The following CNIH4 variants were observed in gnomAD, a reference collection of about 807,000 sequenced individuals.
The protein encoded by CNIH4 is protein cornichon homolog 4.
In CNIH4, 9 loss-of-function variants were observed where a neutral mutation model predicts 21.5. The observed-to-expected ratio is 0.42, with a 90% confidence interval of 0.25 to 0.73. The LOEUF (loss-of-function observed/expected upper bound fraction) is 0.73. CNIH4 is among the 30% of genes least tolerant of loss of function. The probability of loss-of-function intolerance (pLI) is 0.27; values close to 1 mark genes in which losing one functional copy is unlikely to be tolerated. For missense variants in CNIH4, 159 were observed against 170.0 expected (o/e 0.94, Z 0.36); for synonymous variants, 67 against 59.1 (o/e 1.13, Z -0.61).
At position 224,376,488 on chromosome 1, in the gene CNIH4, A is replaced by G. The variant is rs1471168150; in HGVS notation, c.*666A>G. ...TCATTTAAAAGCTACTACCTCCACA[A>G]TCACCCCCAAACCCAGAAAATCCCC... On this transcript the variant is annotated 3_prime_UTR_variant, in exon 5 of 5. Coordinates refer to ENST00000465271, the MANE Select transcript of CNIH4 (RefSeq NM_014184.4). 2.4e-5 allele frequency: 24 copies of G among 985,208 alleles called. No homozygotes were observed. In the Admixed American group the frequency reaches 3.7e-4, roughly 15 times the overall value. 61.0% of individuals were successfully genotyped at this position (985,208 alleles called of 1,614,324 possible).
rs551621796 is a variant in CNIH4, at chr1:224,376,407, T to C, written c.*585T>C. ...ATTTGTGAAACCTTATAAGCCATTT[T>C]CCCCAGGTACAATGTAGTTCCTGCT... On this transcript the variant is annotated 3_prime_UTR_variant, in exon 5 of 5. Coordinates refer to ENST00000465271, the MANE Select transcript of CNIH4 (RefSeq NM_014184.4). 1.6e-5 allele frequency: 16 copies of C among 985,376 alleles called. No individual in the cohort carries two copies. In the South Asian group the frequency reaches 6.6e-4, roughly 41 times the overall value. The allele number at this position is 985,376 out of a possible 1,614,324, so 61.0% of individuals were successfully genotyped here. A position where few individuals can be genotyped will look rare whatever the true frequency, so the allele number is the denominator to read the frequency against.
At chr1:224,361,093 G>A (rs1185099819) in intron 2 of CNIH4, among the ~76,000 whole-genome samples, 2 of 150,490 alleles carry the variant, frequency 1.3e-5, no homozygotes, top group African/African-American at 4.9e-5. Context: ...GACTACAGGC[G>A]CATGCCACCA....
At chr1:224,371,202 T>C (rs1672614875) in intron 3 of CNIH4, 81 bp from the exon 4 acceptor site, 2 of 1,438,554 alleles carry the variant, frequency 1.4e-6, no homozygotes, top group Admixed American at 2.0e-5. Context: ...TAAAAGTCGA[T>C]TATTATTGGC....
At position 224,360,429 on chromosome 1, in the gene CNIH4, C is replaced by T. The variant is rs1285496266; in HGVS notation, c.70-66C>T. On this transcript the variant is annotated intron_variant, in intron 1 of 4. Coordinates refer to ENST00000465271, the MANE Select transcript of CNIH4 (RefSeq NM_014184.4). The stretch of plus-strand genomic sequence containing the variant: ...TAATTCTGCCTTGTAACTGGGATTG[C>T]TTTCTGAAACTTAAATACTTAGTTA... The T allele has an allele frequency of 4.9e-6, 4 of 815,664 alleles. No individual in the cohort carries two copies. In the East Asian group the frequency reaches 1.0e-4, roughly 20 times the overall value. The allele number at this position is 815,664 out of a possible 1,614,324, so 50.5% of individuals were successfully genotyped here. A position where few individuals can be genotyped will look rare whatever the true frequency, so the allele number is the denominator to read the frequency against.
At chr1:224,362,821 C>T (rs574024921) in intron 2 of CNIH4, among the ~76,000 whole-genome samples, 2 of 151,860 alleles carry the variant, frequency 1.3e-5, no homozygotes, top group Non-Finnish European at 2.9e-5. Context: ...TTGTTTTGGA[C>T]ATCTGATAGG....
rs1443918533 is a variant in CNIH4 at position 224,378,011 on chromosome 1, T to C, written c.*2189T>C. 6.6e-6 allele frequency: 1 copy of C among 152,202 alleles called. No individual in the cohort carries two copies. Among genetic ancestry groups the C allele is most frequent in the Non-Finnish European group, 1.5e-5 (1 of 68,036 alleles). The allele number at this position is 152,202 out of a possible 1,614,324, so 9.4% of individuals were successfully genotyped here. On this transcript the variant is annotated 3_prime_UTR_variant, in exon 5 of 5. Coordinates refer to ENST00000465271, the MANE Select transcript of CNIH4 (RefSeq NM_014184.4). ...CAAAAACTCTTCCTTCTTGTATTGC[T>C]TGTCTATCAAAGCCAGGAAAGTGGG...
intron 3 of CNIH4, among the ~76,000 whole-genome samples, chr1:224,368,527 T>A (rs1250958888): frequency 6.6e-6 from 1 of 152,188 alleles, no homozygotes; most frequent in African/African-American, 2.4e-5. Context: ...CTATACTTTA[T>A]GCTGTTGGAG....
intron 2 of CNIH4, among the ~76,000 whole-genome samples, chr1:224,365,582 A>G (rs1672428306): frequency 6.6e-6 from 1 of 152,244 alleles, no homozygotes; most frequent in African/African-American, 2.4e-5. Flanking sequence ...TAGGAACTAA[A>G]CAATACTCTT....
At position 224,360,473 on chromosome 1, in the gene CNIH4, AATT is replaced by A; in HGVS notation, c.70-21_70-19del. 8.3e-7 allele frequency: 1 copy of A among 1,202,138 alleles called. No homozygotes were observed. Among genetic ancestry groups the A allele is most frequent in the Non-Finnish European group, 1.2e-6 (1 of 868,278 alleles). 74.5% of individuals were successfully genotyped at this position (1,202,138 alleles called of 1,614,324 possible). A position where few individuals can be genotyped will look rare whatever the true frequency, so the allele number is the denominator to read the frequency against. On this transcript the variant is annotated intron_variant, in intron 1 of 4. Transcript: ENST00000465271. ...TTAGTTATTATAAAAGAAATATAATAATTCCTTATCTTGATCATCAGATAATTA... is the reference window on the plus strand; with the variant it reads ...TTAGTTATTATAAAAGAAATATAATACCTTATCTTGATCATCAGATAATTA...
At chr1:224,371,113 G>T (rs1034743361) in intron 3 of CNIH4, among the ~76,000 whole-genome samples, 170 bp from the exon 4 acceptor site, 2 of 152,136 alleles carry the variant, frequency 1.3e-5, no homozygotes, top group East Asian at 1.9e-4. Flanking sequence ...CTGACCTCAG[G>T]TGATCCACCT....
intron 4 of CNIH4, among the ~76,000 whole-genome samples, chr1:224,373,879 T>C (rs1248274700): frequency 6.6e-6 from 1 of 152,090 alleles, no homozygotes; most frequent in Admixed American, 6.6e-5. Flanking sequence ...GGAATTAAGA[T>C]GTAATTTTGG....
intron 2 of CNIH4, chr1:224,364,272 G>A (rs1353155778): frequency 1.0e-6 from 1 of 985,210 alleles, no homozygotes; most frequent in African/African-American, 1.7e-5. Context: ...TCAGGTCTGT[G>A]TCTGTGTAAT....
chr1:224,363,997 C>T (rs893968681), intron 2 of CNIH4: 4 of 953,408 alleles, frequency 4.2e-6, no homozygotes, highest in East Asian at 1.2e-4. Context: ...AGAACAAATT[C>T]GGGGAAGGGC....
chr1:224,372,190 A>G (rs779779394), intron 4 of CNIH4, among the ~76,000 whole-genome samples: 15 of 152,184 alleles, frequency 9.9e-5, no homozygotes, highest in Non-Finnish European at 1.0e-4. Context: ...TTCTAGTTAT[A>G]ACACACTGGA....
intron 2 of CNIH4, among the ~76,000 whole-genome samples, chr1:224,360,777 T>C (rs1020490412): frequency 1.3e-5 from 2 of 152,186 alleles, no homozygotes; most frequent in Non-Finnish European, 2.9e-5. Context: ...ATATGTTGCT[T>C]GTCTCTTGTT....
chr1:224,356,876 G>C (rs1252552542), upstream of CNIH4: 3 of 1,525,122 alleles, frequency 2.0e-6, no homozygotes, highest in African/African-American at 2.7e-5. Context: ...GGTGGGTCGG[G>C]GCATCCGAGC....
At position 224,376,191 on chromosome 1, in the gene CNIH4, G is replaced by T; in HGVS notation, c.*369G>T. ...ATGAGCGAGCAAAGGTGCCCTTCAGGTCTACTGAAAAGTTAGAGTACAAAA... is the reference window on the plus strand; with the variant it reads ...ATGAGCGAGCAAAGGTGCCCTTCAGTTCTACTGAAAAGTTAGAGTACAAAA... On this transcript the variant is annotated 3_prime_UTR_variant, in exon 5 of 5. Coordinates refer to ENST00000465271, the MANE Select transcript of CNIH4 (RefSeq NM_014184.4). 1 of 1,007,932 alleles carries T rather than the reference G, an allele frequency of 9.9e-7. No individual in the cohort carries two copies. 62.4% of individuals were successfully genotyped at this position (1,007,932 alleles called of 1,614,324 possible).
chr1:224,371,008 C>G (rs964164076), intron 3 of CNIH4, among the ~76,000 whole-genome samples: 1 of 151,740 alleles, frequency 6.6e-6, no homozygotes, highest in Non-Finnish European at 1.5e-5. Context: ...TCTCGAGTAG[C>G]TGGAATTCCA....
Position 224,371,402 on chromosome 1 carries a change from GCTT to G in CNIH4, c.376_378del (p.Phe126del). The G allele has an allele frequency of 1.9e-6, 3 of 1,613,750 alleles. No homozygotes were observed. Among genetic ancestry groups the G allele is most frequent in the African/African-American group, 1.3e-5 (1 of 74,998 alleles). ...ATCAAGCTTGGTTTCCACTTGCTCT[GCTT>G]CTTCATGTATCTTTATAGGTGAGTT... On this transcript the variant is annotated inframe_deletion, in exon 4 of 5. Transcript: ENST00000465271.
Sources: allele counts gnomAD v4.1 joint callset (sites outside exome capture counted in the v4.1 genomes callset), GRCh38; gene constraint gnomAD v4.1.1; transcripts MANE v1.5; gene names NCBI Gene and HGNC (gene_info 2026-07-23, HGNC 2026-07-21).